Variants in EPHB1 observed in about 807,000 individuals in gnomAD.
The protein encoded by EPHB1 is ephrin type-B receptor 1.
EPHB1 carries 30 observed loss-of-function variants against 94.4 expected under a neutral mutation model. That is an observed-to-expected ratio of 0.32 (90% CI 0.24 to 0.43). The LOEUF (loss-of-function observed/expected upper bound fraction) is 0.43. Ranked by LOEUF, EPHB1 falls within the 20% of genes least tolerant of loss-of-function variation. The probability of loss-of-function intolerance (pLI) is 1.00; values close to 1 mark genes in which losing one functional copy is unlikely to be tolerated. For missense variants in EPHB1, 1,055 were observed against 1,308.3 expected (o/e 0.81, Z 2.99); for synonymous variants, 522 against 489.1 (o/e 1.07, Z -0.89).
intron 1 of EPHB1, among the ~76,000 whole-genome samples, chr3:134,918,331 A>G (rs548610503): frequency 6.6e-6 from 1 of 152,178 alleles, no homozygotes; most frequent in South Asian, 2.1e-4. Flanking sequence ...CTGAAGATCA[A>G]TTTGGAAGAG....
chr3:135,218,365 A>G (rs1329542849), intron 12 of EPHB1, among the ~76,000 whole-genome samples: 2 of 152,178 alleles, frequency 1.3e-5, no homozygotes, highest in East Asian at 1.9e-4. Context: ...ACCAATGCTC[A>G]GTTAGGGATA....
rs370029697 is a variant in EPHB1, at chr3:134,929,544, G to A, written c.123+3664G>A. Among the ~76,000 whole-genome samples the A allele has an allele frequency of 2.6e-5, 4 of 152,144 alleles. No homozygotes were observed. The East Asian group carries it at 5.8e-4, about 22-fold the overall frequency. On this transcript the variant is annotated intron_variant, in intron 2 of 15. Coordinates refer to ENST00000398015, the MANE Select transcript of EPHB1 (RefSeq NM_004441.5). ...TCTGGTTGCACAGGAAAAAATGGCA[G>A]GACTGAAGGGGCCAGGGGCTGAGGA...
chr3:134,928,854 G>C (rs991548606), intron 2 of EPHB1, among the ~76,000 whole-genome samples: 1 of 152,070 alleles, frequency 6.6e-6, no homozygotes, highest in African/African-American at 2.4e-5. Flanking sequence ...GGGAGCAGGA[G>C]AAAACCAAGA....
chr3:134,814,463 A>C (rs902234044), intron 1 of EPHB1, among the ~76,000 whole-genome samples: 3 of 152,148 alleles, frequency 2.0e-5, no homozygotes, highest in African/African-American at 7.2e-5. Flanking sequence ...GTGATGTAGG[A>C]GGTCAGGGGA....
intron 3 of EPHB1, among the ~76,000 whole-genome samples, chr3:135,080,508 G>T (rs576996093): frequency 6.6e-6 from 1 of 152,260 alleles, no homozygotes; most frequent in East Asian, 1.9e-4. Flanking sequence ...TGGGGGTGGG[G>T]CAAAGGTAGC....
At chr3:134,819,943 T>A (rs2036349487) in intron 1 of EPHB1, among the ~76,000 whole-genome samples, 1 of 152,220 alleles carries the variant, frequency 6.6e-6, no homozygotes, top group Non-Finnish European at 1.5e-5. Flanking sequence ...CAGTGTCAGC[T>A]AATTGCTGTA....
chr3:134,882,704 C>T (rs1578166715), intron 1 of EPHB1, among the ~76,000 whole-genome samples: 1 of 148,898 alleles, frequency 6.7e-6, no homozygotes, highest in Non-Finnish European at 1.5e-5. Flanking sequence ...TCCTTCTTTC[C>T]TTCCTTCCTT....
At chr3:135,149,650 C>T (rs546467376) in intron 5 of EPHB1, among the ~76,000 whole-genome samples, 2 of 152,374 alleles carry the variant, frequency 1.3e-5, no homozygotes, top group South Asian at 4.1e-4. Context: ...TGAACATAAG[C>T]TGCCCGTGAT....
chr3:135,223,378 C>T (rs1943317033), intron 12 of EPHB1, among the ~76,000 whole-genome samples: 1 of 152,188 alleles, frequency 6.6e-6, no homozygotes, highest in African/African-American at 2.4e-5. Flanking sequence ...ATGCTTTTAC[C>T]AAGGTTTCCT....
At chr3:135,031,548 G>A (rs1559802254) in intron 3 of EPHB1, among the ~76,000 whole-genome samples, 1 of 152,202 alleles carries the variant, frequency 6.6e-6, no homozygotes, top group Non-Finnish European at 1.5e-5. Context: ...GGGCTCAAGT[G>A]ATCTGCCTGC....
intron 2 of EPHB1, among the ~76,000 whole-genome samples, chr3:134,946,046 A>G (rs573093701): frequency 1.5e-4 from 23 of 152,344 alleles, no homozygotes; most frequent in Admixed American, 8.5e-4. Context: ...AAGAGTGTTC[A>G]GGGGACACAT....
At chr3:134,919,398 G>T (rs1010981653) in intron 1 of EPHB1, among the ~76,000 whole-genome samples, 4 of 152,204 alleles carry the variant, frequency 2.6e-5, no homozygotes, top group African/African-American at 7.2e-5. Flanking sequence ...TAGAACACAG[G>T]CTGGTGCCCT....
At chr3:135,141,377 T>C (rs1940821378) in intron 5 of EPHB1, among the ~76,000 whole-genome samples, 1 of 152,158 alleles carries the variant, frequency 6.6e-6, no homozygotes, top group Non-Finnish European at 1.5e-5. Context: ...CTTGGCAGAC[T>C]GAGGGCTCCC....
intron 3 of EPHB1, among the ~76,000 whole-genome samples, chr3:135,010,383 A>AT (rs1328084944): frequency 1.3e-5 from 2 of 151,758 alleles, no homozygotes; most frequent in African/African-American, 2.4e-5. Context: ...ATACACAGGC[A>AT]TTTTTTTTCT....
At chr3:135,001,885 T>C (rs1000115578) in intron 3 of EPHB1, among the ~76,000 whole-genome samples, 3 of 152,370 alleles carry the variant, frequency 2.0e-5, no homozygotes, top group East Asian at 1.9e-4. Flanking sequence ...TTAATAGTTG[T>C]TGTGGTTGTT....
At chr3:134,865,631 A>T (rs2108305511) in intron 1 of EPHB1, among the ~76,000 whole-genome samples, 1 of 151,932 alleles carries the variant, frequency 6.6e-6, no homozygotes, top group Admixed American at 6.5e-5. Flanking sequence ...CATCAGCACA[A>T]TGAAATAAAT....
intron 5 of EPHB1, among the ~76,000 whole-genome samples, chr3:135,152,533 G>A (rs1168565805): frequency 6.6e-6 from 1 of 152,176 alleles, no homozygotes; most frequent in Admixed American, 6.5e-5. Context: ...GGGAGTCAGA[G>A]GAGGCTGGGA....
chr3:135,247,514 A>ATTGAT (rs1423197241), intron 13 of EPHB1, among the ~76,000 whole-genome samples: 2 of 152,232 alleles, frequency 1.3e-5, no homozygotes, highest in Non-Finnish European at 1.5e-5. Flanking sequence ...TGTAGGCATA[A>ATTGAT]TTGATTTAAA....
intron 3 of EPHB1, among the ~76,000 whole-genome samples, chr3:135,032,363 TA>T (rs149884690): frequency 0.12 from 18,227 of 152,018 alleles, 1,190 homozygotes; most frequent in Non-Finnish European, 0.13. Context: ...CTTTTATTTT[TA>T]TTTCCTAAGA....
Sources: allele counts gnomAD v4.1 joint callset (sites outside exome capture counted in the v4.1 genomes callset), GRCh38; gene constraint gnomAD v4.1.1; transcripts MANE v1.5; gene names NCBI Gene and HGNC (gene_info 2026-07-23, HGNC 2026-07-21).